SNW1: variants seen among roughly 807,000 people sequenced by gnomAD.
The protein encoded by SNW1 is SNW domain containing 1.
A neutral mutation model predicts 75.6 loss-of-function variants in SNW1; 9 were observed. The observed-to-expected ratio is 0.12, with a 90% CI of 0.07 to 0.21. SNW1 has a LOEUF of 0.21. SNW1 is among the 10% of genes least tolerant of loss of function. The pLI is 1.00. For missense variants in SNW1, 409 were observed against 670.9 expected, an observed-to-expected ratio of 0.61 and a Z score of 4.31; for synonymous variants, 200 against 219.1, an observed-to-expected ratio of 0.91 and a Z score of 0.77.
At chr14:77,740,015 T>A (rs1330335052) in intron 3 of SNW1, among the ~76,000 whole-genome samples, 1 of 151,540 alleles carries the variant, frequency 6.6e-6, no homozygotes, top group Non-Finnish European at 1.5e-5. Context: ...GCGCCTGTAG[T>A]CCCAGCTACT....
At chr14:77,724,471 G>A (rs1451130518) in intron 10 of SNW1, among the ~76,000 whole-genome samples, 1 of 152,118 alleles carries the variant, frequency 6.6e-6, no homozygotes, top group Non-Finnish European at 1.5e-5. Context: ...CTTTCTAACT[G>A]TATTTCTGTA....
chr14:77,747,341 T>C (rs1004925454), intron 3 of SNW1, among the ~76,000 whole-genome samples: 4 of 151,652 alleles, frequency 2.6e-5, no homozygotes, highest in African/African-American at 4.8e-5. Flanking sequence ...GCCGCCACCC[T>C]GTCTGGGAAG....
chr14:77,754,871 C>A, intron 2 of SNW1, 96 bp downstream of exon 2: 1 of 1,093,752 alleles, frequency 9.1e-7, no homozygotes, highest in South Asian at 1.7e-5. Context: ...CACTGACATT[C>A]ATAATCAGAG....
chr14:77,718,624 CA>C (rs1306632040), intron 12 of SNW1, 94 bp from the exon 13 acceptor site: 1 of 770,000 alleles, frequency 1.3e-6, no homozygotes, highest in Non-Finnish European at 2.0e-6. Context: ...TGCTAATGTA[CA>C]GCTCACATTT....
At chr14:77,754,933 A>G (rs773569189) in intron 2 of SNW1, 34 bp downstream of exon 2, 1 of 1,519,494 alleles carries the variant, frequency 6.6e-7, no homozygotes, top group Non-Finnish European at 8.9e-7. Flanking sequence ...TTTCAGCACA[A>G]TTTAACAAAT....
chr14:77,739,088 T>A, intron 3 of SNW1, 27 bp from the exon 4 acceptor site: 1 of 1,552,716 alleles, frequency 6.4e-7, no homozygotes, highest in Non-Finnish European at 8.9e-7. Context: ...CAAGCAGGCT[T>A]AAGAAAAGCA....
At position 77,735,943 on chromosome 14, in the gene SNW1, G is replaced by A. The variant is rs369317130; in HGVS notation, c.702C>T (p.Ser234=). ...SPPAPVMHSP[S]RKMTVKEQQE... ...GGACTACAGCAAAGAATACCTTTCG[G>A]CTAGGAGAATGCATGACAGGCGCAG... Residue 234 remains serine, a synonymous_variant, in exon 7 of 14, where the codon AGC becomes AGT. Transcript: ENST00000261531. The A allele has an allele frequency of 1.1e-5, 17 of 1,613,040 alleles. No homozygotes were observed. The African/African-American group carries it at 2.1e-4, about 20-fold the overall frequency.
chr14:77,731,963 C>CA (rs1359727119), intron 9 of SNW1, among the ~76,000 whole-genome samples: 2 of 152,256 alleles, frequency 1.3e-5, no homozygotes, highest in East Asian at 3.9e-4. Flanking sequence ...CTTGAACTCT[C>CA]AACCTCAAGG....
intron 3 of SNW1, among the ~76,000 whole-genome samples, chr14:77,744,135 C>CAAA (rs11335114): frequency 2.5e-5 from 3 of 121,746 alleles, no homozygotes; most frequent in Admixed American, 8.4e-5. Context: ...GACTCCATCT[C>CAAA]AAAAAAAAAA....
intron 2 of SNW1, among the ~76,000 whole-genome samples, 166 bp from the exon 3 acceptor site, chr14:77,751,646 A>G (rs1391901213): frequency 6.6e-6 from 1 of 152,162 alleles, no homozygotes; most frequent in Non-Finnish European, 1.5e-5. Context: ...GCAAAGATAT[A>G]AAAAACACAT....
At chr14:77,738,208 G>A (rs1406609839) in intron 5 of SNW1, among the ~76,000 whole-genome samples, 1 of 152,032 alleles carries the variant, frequency 6.6e-6, no homozygotes, top group African/African-American at 2.4e-5. Context: ...TCAGGAGGCT[G>A]AGGCAGAAGA....
chr14:77,720,454 A>G, intron 12 of SNW1: 1 of 698,344 alleles, frequency 1.4e-6, no homozygotes, highest in Non-Finnish European at 2.6e-6. Flanking sequence ...CTATTTTAGA[A>G]ACAAAAGGTT....
chr14:77,746,586 A>G (rs2080761912), intron 3 of SNW1, among the ~76,000 whole-genome samples: 1 of 152,250 alleles, frequency 6.6e-6, no homozygotes, highest in Non-Finnish European at 1.5e-5. Flanking sequence ...AATCATGTTC[A>G]ACAAGATGTT....
chr14:77,736,610 CATTT>C (rs1025793148), intron 6 of SNW1, among the ~76,000 whole-genome samples: 55 of 151,956 alleles, frequency 3.6e-4, no homozygotes, highest in African/African-American at 1.1e-3. Context: ...AGATAATTGA[CATTT>C]ATTAGCTATA....
intron 10 of SNW1, among the ~76,000 whole-genome samples, chr14:77,729,884 C>T (rs2080615613): frequency 6.6e-6 from 1 of 152,164 alleles, no homozygotes; most frequent in Non-Finnish European, 1.5e-5. Context: ...CTTCCCTTTT[C>T]ACTTGTAGTA....
intron 11 of SNW1, chr14:77,721,256 A>AT (rs925714904): frequency 1.9e-5 from 3 of 154,376 alleles, no homozygotes; most frequent in African/African-American, 7.2e-5. Context: ...ACATTTAGTA[A>AT]TTTTATCCCA....
Position 77,723,272 on chromosome 14 carries a change from C to T in SNW1, c.1039G>A (p.Gly347Arg). 2 of 1,613,344 alleles carry T rather than the reference C, an allele frequency of 1.2e-6. No homozygotes were observed. Among genetic ancestry groups the T allele is most frequent in the Non-Finnish European group, 8.5e-7 (1 of 1,179,340 alleles). Residue 347 changes from glycine (G) to arginine (R), a missense_variant, in exon 11 of 14, where the codon GGG (glycine) becomes AGG (arginine). Physicochemically the swap from Gly to Arg is moderately radical, Grantham distance 125 (BLOSUM62 -2). Around this residue, in one of 9 missense-constraint regions of SNW1, gnomAD observed 37 missense variants for 110.0 expected, o/e 0.34. Transcript: ENST00000261531. ...ATTTCATCCCTCTCACGTGCCTCCC[C>T]ATCCTCTGTGTGAACAGTTGAAAAG... Reference protein sequence around the residue: ...GIKTHVEKEDGEARERDEIRH... With the variant: ...GIKTHVEKEDREARERDEIRH...
rs564509921 is a variant in SNW1, at chr14:77,747,413, G to A, written c.330+3906C>T. Among the ~76,000 whole-genome samples the A allele has an allele frequency of 3.5e-3, 520 of 150,590 alleles. 3 individuals carry two copies. The highest frequency in any genetic ancestry group is 0.021 in the Middle Eastern group (6 of 290). On this transcript the variant is annotated intron_variant, in intron 3 of 13. Transcript: ENST00000261531. The stretch of plus-strand genomic sequence containing the variant: ...ATGTGAGGAGCCCCTCTGCCCGGCC[G>A]CCCAGTCTGGGAAGTGAGGAGCACC...
chr14:77,755,158 ACT>A (rs1491549749), intron 1 of SNW1, 38 bp from the exon 2 acceptor site: 319,979 of 1,578,744 alleles, frequency 0.2, 34,360 homozygotes, highest in Middle Eastern at 0.22. Flanking sequence ...AATTTAAAAA[ACT>A]CTTATGTTTA....
Sources: gnomAD v4.1 joint callset for allele counts (sites outside exome capture counted in the v4.1 genomes callset) on GRCh38, gnomAD v4.1.1 for gene constraint, gnomAD v4.1.1 regional missense constraint, MANE v1.5 for transcripts, NCBI Gene and HGNC (gene_info 2026-07-23, HGNC 2026-07-21) for gene names.